The following COL28A1 variants were observed in gnomAD, a reference collection of about 807,000 sequenced individuals.
COL28A1 encodes collagen alpha-1(XXVIII) chain.
In COL28A1, 161 loss-of-function variants were observed where a neutral mutation model predicts 150.2. The observed-to-expected ratio is 1.07, with a 90% CI of 0.94 to 1.22. The LOEUF is 1.22. Among genes scored for constraint, COL28A1 ranks in the 50% most tolerant of loss-of-function variants. The pLI, the probability that COL28A1 is intolerant of heterozygous loss-of-function variation, is 0.00. For missense variants in COL28A1, 1,617 were observed against 1,388.3 expected (o/e 1.16, Z -2.62); for synonymous variants, 552 against 469.7 (o/e 1.18, Z -2.26).
chr7:7,461,328 G>C (rs1031257291), intron 15 of COL28A1, among the ~76,000 whole-genome samples: 3 of 152,210 alleles, frequency 2.0e-5, no homozygotes, highest in Non-Finnish European at 4.4e-5. Context: ...AGCCCACAGG[G>C]GGAAGGAAAC....
chr7:7,436,439 G>T lies in COL28A1; in HGVS notation c.1816C>A (p.Pro606Thr), dbSNP rs1308136868. 1 of 1,413,242 alleles carries T rather than the reference G, an allele frequency of 7.1e-7. No individual in the cohort carries two copies. Among genetic ancestry groups the T allele is most frequent in the Admixed American group, 1.7e-5 (1 of 59,750 alleles). 87.5% of individuals were successfully genotyped at this position (1,413,242 alleles called of 1,614,324 possible). The change falls in exon 23 of 35, where the codon CCT becomes ACT. Residue 606 changes from proline (P) to threonine (T), a missense_variant. Physicochemically the swap from Pro to Thr is conservative, Grantham distance 38 (BLOSUM62 -1). Transcript: ENST00000399429. ...PKGDRGGPGIPGFKGEPGLSI... is the reference protein window; with the variant it reads ...PKGDRGGPGITGFKGEPGLSI... ...AGTCCAGGTTCTCCCTTAAATCCAG[G>T]TATCCCAGGTCCTCCTCTATCTCCC...
At chr7:7,443,682 T>C in intron 19 of COL28A1, 29 bp from the exon 20 acceptor site, 2 of 1,613,570 alleles carry the variant, frequency 1.2e-6, no homozygotes, top group Non-Finnish European at 1.7e-6. Flanking sequence ...ATGTGTTAGC[T>C]GACCCTCCAG....
chr7:7,464,444 T>C (rs60917148), intron 15 of COL28A1, among the ~76,000 whole-genome samples: 17,666 of 152,102 alleles, frequency 0.12, 1,102 homozygotes, highest in Middle Eastern at 0.21. Context: ...TCAAGAAAAG[T>C]GAAATTATAC....
At chr7:7,536,077 A>G (rs1424818360), upstream of COL28A1, among the ~76,000 whole-genome samples, 1 of 152,136 alleles carries the variant, frequency 6.6e-6, no homozygotes, top group Non-Finnish European at 1.5e-5. Context: ...GCATTGGTTG[A>G]CAGCCTGCCT....
At chr7:7,450,096 T>C (rs1207076837) in intron 18 of COL28A1, among the ~76,000 whole-genome samples, 1 of 152,076 alleles carries the variant, frequency 6.6e-6, no homozygotes, top group African/African-American at 2.4e-5. Flanking sequence ...TGGAGTAGAA[T>C]ACACAGCTCA....
At chr7:7,433,637 T>TAAAAAA (rs35394135) in intron 23 of COL28A1, among the ~76,000 whole-genome samples, 1 of 132,134 alleles carries the variant, frequency 7.6e-6, no homozygotes, top group Non-Finnish European at 1.6e-5. Context: ...CTGTCTCATT[T>TAAAAAA]AAAAAAAAAA....
intron 1 of COL28A1, among the ~76,000 whole-genome samples, chr7:7,534,042 G>A (rs928435891): frequency 2.0e-5 from 3 of 152,116 alleles, no homozygotes; most frequent in Admixed American, 2.0e-4. Context: ...AAGGCAGTGA[G>A]GAGTGAGATG....
chr7:7,521,845 C>G (rs925607927), intron 5 of COL28A1, 60 bp downstream of exon 5: 4 of 844,290 alleles, frequency 4.7e-6, no homozygotes, highest in Non-Finnish European at 2.1e-6. Flanking sequence ...TTTTCAAGAG[C>G]GAGTAGAGCT....
chr7:7,515,880 T>C (rs1482517426), intron 7 of COL28A1, 40 bp from the exon 8 acceptor site: 1 of 850,316 alleles, frequency 1.2e-6, no homozygotes, highest in South Asian at 1.4e-5. Flanking sequence ...TATGATACTC[T>C]GAGGCAGAAT....
chr7:7,381,834 G>C (rs1003869537), intron 27 of COL28A1, among the ~76,000 whole-genome samples: 1 of 151,700 alleles, frequency 6.6e-6, no homozygotes, highest in African/African-American at 2.4e-5. Context: ...TAGGATAGGA[G>C]TGAGGGCTCT....
chr7:7,452,349 T>A lies in COL28A1; in HGVS notation c.1479A>T (p.Gly493=), dbSNP rs576651457. The A allele has an allele frequency of 6.2e-7, 1 of 1,606,906 alleles. No individual in the cohort carries two copies. Among genetic ancestry groups the A allele is most frequent in the African/African-American group, 1.3e-5 (1 of 74,514 alleles). Residue 493 remains glycine, a synonymous_variant, in exon 18 of 35, where the codon GGA becomes GGT. Transcript: ENST00000399429. ...GACCTTGTACTCCAATTCCCACTGG[T>A]CCTCGAGGGCCTGTAGGTCCCATTT... The part of the protein sequence containing the change: ...VGQMGPTGPR[G]PVGIGVQGPK...
chr7:7,413,250 T>C (rs1783885666), intron 27 of COL28A1, among the ~76,000 whole-genome samples: 1 of 152,134 alleles, frequency 6.6e-6, no homozygotes, highest in East Asian at 1.9e-4. Flanking sequence ...CCTCCTTTGC[T>C]ATAGCCCCAT....
At chr7:7,349,156 G>A in the COL28A1 span, among the ~76,000 whole-genome samples, 1 of 152,078 alleles carries the variant, frequency 6.6e-6, no homozygotes, top group African/African-American at 2.4e-5. Context: ...ATATAGTTTA[G>A]AAATATTTAA....
chr7:7,471,704 G>C (rs1304399455), intron 15 of COL28A1, among the ~76,000 whole-genome samples: 1 of 152,130 alleles, frequency 6.6e-6, no homozygotes, highest in African/African-American at 2.4e-5. Context: ...AGACCAGCCT[G>C]GTCAACATGA....
chr7:7,431,807 A>G (rs916523156), intron 25 of COL28A1, among the ~76,000 whole-genome samples: 1 of 152,204 alleles, frequency 6.6e-6, no homozygotes, highest in Non-Finnish European at 1.5e-5. Context: ...AAGAGATGAC[A>G]TTGTCTGCCT....
chr7:7,453,576 CT>C, intron 16 of COL28A1, 68 bp from the exon 17 acceptor site: 1 of 803,288 alleles, frequency 1.2e-6, no homozygotes, highest in South Asian at 1.5e-5. Context: ...TAAAGTGAAA[CT>C]TTAGTTCATA....
At chr7:7,497,404 T>G (rs58798360) in intron 11 of COL28A1, among the ~76,000 whole-genome samples, 4 of 151,904 alleles carry the variant, frequency 2.6e-5, no homozygotes, top group African/African-American at 9.7e-5. Context: ...TAAGAAGTAG[T>G]TACTGTTATT....
At chr7:7,361,902 C>T (rs1780686375) in intron 33 of COL28A1, among the ~76,000 whole-genome samples, 1 of 152,020 alleles carries the variant, frequency 6.6e-6, no homozygotes, top group Non-Finnish European at 1.5e-5. Context: ...AAGCTAGAAA[C>T]CATCATTCTT....
downstream of COL28A1, among the ~76,000 whole-genome samples, chr7:7,354,089 C>T (rs1780294478): frequency 6.6e-6 from 1 of 151,676 alleles, no homozygotes; most frequent in South Asian, 2.1e-4. Context: ...ACCTCTTGGA[C>T]TCAAGTGATC....
Sources: allele counts gnomAD v4.1 joint callset (sites outside exome capture counted in the v4.1 genomes callset), GRCh38; gene constraint gnomAD v4.1.1; transcripts MANE v1.5; gene names NCBI Gene and HGNC (gene_info 2026-07-23, HGNC 2026-07-21).